The following GRIP1 variants were observed in gnomAD, a reference collection of about 807,000 sequenced individuals.
The protein encoded by GRIP1 is glutamate receptor-interacting protein 1.
In GRIP1, 45 loss-of-function variants were observed where a neutral mutation model predicts 129.9. The observed-to-expected ratio is 0.35, with a 90% CI of 0.27 to 0.44. GRIP1 has a LOEUF of 0.44. Among genes scored for constraint, GRIP1 ranks in the 20% least tolerant of loss-of-function variants. GRIP1 has a pLI of 1.00. For synonymous variants in GRIP1, 530 were observed against 520.8 expected (o/e 1.02, Z -0.24); for missense variants, 1,196 against 1,396.8 (o/e 0.86, Z 2.29).
chr12:66,706,304 A>G (rs2035526060), intron 1 of GRIP1, among the ~76,000 whole-genome samples: 1 of 152,180 alleles, frequency 6.6e-6, no homozygotes, highest in Admixed American at 6.5e-5. Context: ...AAAATGCTCA[A>G]CATCACTGAT....
At chr12:67,024,019 A>G (rs1455610424) in intron 1 of GRIP1, among the ~76,000 whole-genome samples, 3 of 152,104 alleles carry the variant, frequency 2.0e-5, no homozygotes, top group Non-Finnish European at 4.4e-5. Context: ...CCTTCCAGCC[A>G]GGGTTCAAAG....
chr12:66,397,501 AGACACCC>A (rs2137568528), intron 16 of GRIP1, among the ~76,000 whole-genome samples: 1 of 151,852 alleles, frequency 6.6e-6, no homozygotes, highest in East Asian at 1.9e-4. Flanking sequence ...TGACACAGCA[AGACACCC>A]TCTAAAAAAA....
intron 1 of GRIP1, among the ~76,000 whole-genome samples, chr12:66,910,488 G>A (rs2041010977): frequency 6.6e-6 from 1 of 152,094 alleles, no homozygotes; most frequent in South Asian, 2.1e-4. Context: ...CCAAAAGGCT[G>A]CAGCAGAAAT....
chr12:66,662,994 GAA>G (rs1381889530), intron 1 of GRIP1, among the ~76,000 whole-genome samples: 3 of 152,160 alleles, frequency 2.0e-5, no homozygotes, highest in African/African-American at 4.8e-5. Flanking sequence ...ACTGCTGTCA[GAA>G]TCAGTTTGGA....
At chr12:66,350,131 G>A (rs926078184) in intron 24 of GRIP1, among the ~76,000 whole-genome samples, 4 of 151,954 alleles carry the variant, frequency 2.6e-5, no homozygotes, top group East Asian at 1.9e-4. Flanking sequence ...ACCCCACTTC[G>A]TTTTGATCCT....
At chr12:66,603,880 A>G (rs1054306961) in intron 1 of GRIP1, among the ~76,000 whole-genome samples, 4 of 152,224 alleles carry the variant, frequency 2.6e-5, no homozygotes, top group African/African-American at 9.7e-5. Flanking sequence ...TCACTGGAGC[A>G]AGTGACTGAT....
chr12:66,608,320 C>T (rs1206119945), intron 1 of GRIP1, among the ~76,000 whole-genome samples: 1 of 152,008 alleles, frequency 6.6e-6, no homozygotes. Flanking sequence ...AAGTGTTAGA[C>T]CAGAGAGAGG....
chr12:66,518,708 T>TTC (rs1332098703), intron 5 of GRIP1, among the ~76,000 whole-genome samples: 1 of 152,216 alleles, frequency 6.6e-6, no homozygotes, highest in Non-Finnish European at 1.5e-5. Context: ...ACTTACTAGA[T>TTC]GTGAGGCTGC....
chr12:66,653,483 C>T (rs1489836170), intron 1 of GRIP1, among the ~76,000 whole-genome samples: 1 of 152,186 alleles, frequency 6.6e-6, no homozygotes, highest in Non-Finnish European at 1.5e-5. Flanking sequence ...GCCATTCCTC[C>T]ACTTCCTAAT....
At chr12:66,627,202 C>T (rs1006906022) in intron 1 of GRIP1, among the ~76,000 whole-genome samples, 3 of 151,826 alleles carry the variant, frequency 2.0e-5, no homozygotes, top group African/African-American at 7.3e-5. Flanking sequence ...TGGTAGATTC[C>T]GGTGCCTATC....
chr12:66,437,208 G>A (rs2058336166), intron 13 of GRIP1, among the ~76,000 whole-genome samples: 1 of 152,220 alleles, frequency 6.6e-6, no homozygotes, highest in Non-Finnish European at 1.5e-5. Context: ...GTACTGAACA[G>A]TCTTGAAACA....
upstream of GRIP1, among the ~76,000 whole-genome samples, chr12:66,680,961 C>T (rs1209572987): frequency 6.8e-6 from 1 of 146,520 alleles, no homozygotes; most frequent in East Asian, 2.1e-4. Flanking sequence ...TCCTAATATG[C>T]TTATTTTTTT....
intron 2 of GRIP1, among the ~76,000 whole-genome samples, chr12:66,566,233 T>C (rs964082891): frequency 2.6e-5 from 4 of 152,182 alleles, no homozygotes; most frequent in Admixed American, 1.3e-4. Flanking sequence ...TTTTTGCCCA[T>C]TCAGTATGAT....
At chr12:66,580,546 T>C (rs1565881750) in intron 2 of GRIP1, among the ~76,000 whole-genome samples, 2 of 151,204 alleles carry the variant, frequency 1.3e-5, no homozygotes, top group East Asian at 3.9e-4. Flanking sequence ...AGGCTCAAAA[T>C]AAAAGGATGG....
intron 1 of GRIP1, among the ~76,000 whole-genome samples, chr12:66,628,760 G>A (rs2030397998): frequency 6.6e-6 from 1 of 152,178 alleles, no homozygotes; most frequent in African/African-American, 2.4e-5. Context: ...TTAGAGGCCG[G>A]GGACGCTGCT....
Position 66,921,033 on chromosome 12 carries a change from G to T in GRIP1, c.58+148017C>A, listed in dbSNP as rs182075017. ...TAGGAAATGGTGACAGGAAATTAAAGTCACTACTGGGAAATGAGAGGTCCT... is the reference window on the plus strand; with the variant it reads ...TAGGAAATGGTGACAGGAAATTAAATTCACTACTGGGAAATGAGAGGTCCT... On this transcript the variant is annotated intron_variant, in intron 1 of 1. Coordinates refer to the GRIP1 transcript ENST00000643019. 1.2e-3 allele frequency among the ~76,000 whole-genome samples: 189 copies of T among 152,314 alleles called. No individual in the cohort carries two copies. The Middle Eastern group carries it at 0.017, about 14-fold the overall frequency.
rs2137380401 is a variant in GRIP1, at chr12:66,379,382, G to T, written c.2519C>A (p.Pro840Gln). ...TGGGGACAAGCTGCCTCTCTGTTTT[G>T]GACTCCTCCAGTCATAGGTGTTGAA... ...YNFNTYDWRS[P>Q]KQRGSLSPVT... The change falls in exon 20 of 25, where the codon CCA becomes CAA. Residue 840 changes from proline (P) to glutamine (Q), a missense_variant. Coordinates refer to ENST00000359742, the MANE Select transcript of GRIP1 (RefSeq NM_001366722.1). 2 of 1,613,982 alleles carry T rather than the reference G, an allele frequency of 1.2e-6. No homozygotes were observed. Among genetic ancestry groups the T allele is most frequent in the East Asian group, 4.5e-5 (2 of 44,886 alleles).
Position 66,859,259 on chromosome 12 carries a change from G to GA in GRIP1, c.58+209790dup, listed in dbSNP as rs1555246431. Among the ~76,000 whole-genome samples, 26 of 21,196 alleles carry GA rather than the reference G, an allele frequency of 1.2e-3. 1 individual carries two copies. The highest frequency in any genetic ancestry group is 6.2e-3 in the East Asian group (1 of 162). 13.9% of individuals were successfully genotyped at this position (21,196 alleles called of 152,430 possible). ...GACTAGCATATTCTCCACATTTTCT[G>GA]AAAAAAAACAAAAAAACAAAAAAAC... is the stretch of plus-strand genomic sequence containing the variant. On this transcript the variant is annotated intron_variant, in intron 1 of 1. Coordinates refer to the GRIP1 transcript ENST00000643019.
intron 1 of GRIP1, among the ~76,000 whole-genome samples, chr12:66,828,817 G>A (rs1030527980): frequency 3.9e-5 from 6 of 152,162 alleles, no homozygotes; most frequent in Non-Finnish European, 7.3e-5. Context: ...TTTGCTTGAT[G>A]AGAATCTCAT....
Sources: allele counts gnomAD v4.1 joint callset (sites outside exome capture counted in the v4.1 genomes callset), GRCh38; gene constraint gnomAD v4.1.1; transcripts MANE v1.5; gene names NCBI Gene and HGNC (gene_info 2026-07-23, HGNC 2026-07-21).